TRPM6: variants seen among roughly 807,000 people sequenced by gnomAD.
The protein encoded by TRPM6 is transient receptor potential cation channel subfamily M member 6, also known as channel kinase 2.
TRPM6 carries 111 observed loss-of-function variants against 247.6 expected under a neutral mutation model. The observed-to-expected ratio is 0.45, with a 90% confidence interval of 0.38 to 0.52. The LOEUF is 0.52. Among genes scored for constraint, TRPM6 ranks in the 20% least tolerant of loss-of-function variants. TRPM6 has a pLI of 0.00. For synonymous variants in TRPM6, 892 were observed against 853.8 expected, an observed-to-expected ratio of 1.04 and a Z score of -0.78; for missense variants, 2,126 against 2,421.5, an observed-to-expected ratio of 0.88 and a Z score of 2.56.
intron 1 of TRPM6, chr9:74,887,144 G>T: frequency 1.3e-6 from 1 of 797,828 alleles, no homozygotes; most frequent in Non-Finnish European, 1.7e-6. Flanking sequence ...CAGCGGTGGA[G>T]AGGAGCCAGC....
chr9:74,849,996 T>C (rs1270885050), intron 3 of TRPM6, among the ~76,000 whole-genome samples: 2 of 152,364 alleles, frequency 1.3e-5, no homozygotes, highest in Non-Finnish European at 2.9e-5. Flanking sequence ...GTGCATCTGC[T>C]GTATTGAGCA....
Position 74,775,948 on chromosome 9 carries a change from A to C in TRPM6, c.3338T>G (p.Leu1113Arg). 2 of 1,614,184 alleles carry C rather than the reference A, an allele frequency of 1.2e-6. No individual in the cohort carries two copies. Among genetic ancestry groups the C allele is most frequent in the Non-Finnish European group, 1.7e-6 (2 of 1,180,034 alleles). ...ATGACAGCACAGGCGGCGGAGGAGA[A>C]GGCCCACGTGGCTCAGCAGGATGAG... The part of the protein sequence containing the change: ...PPLILLSHVG[L>R]LLRRLCCHRA... The change falls in exon 24 of 39, where the codon CTT (leucine) becomes CGT (arginine). Residue 1113 changes from leucine to arginine, a missense_variant. Transcript: ENST00000360774.
chr9:74,863,486 G>C (rs1306107712), intron 1 of TRPM6, among the ~76,000 whole-genome samples: 1 of 152,194 alleles, frequency 6.6e-6, no homozygotes, highest in Non-Finnish European at 1.5e-5. Flanking sequence ...TGTTCAAACT[G>C]TATTTCCACT....
chr9:74,826,701 C>T (rs1464905718), intron 7 of TRPM6: 1 of 151,762 alleles, frequency 6.6e-6, no homozygotes, highest in East Asian at 1.9e-4. Flanking sequence ...AAACTTGACA[C>T]TTTCCAAGGT....
intron 1 of TRPM6, among the ~76,000 whole-genome samples, chr9:74,859,598 C>A (rs534927157): frequency 2.0e-5 from 3 of 151,966 alleles, no homozygotes; most frequent in Non-Finnish European, 2.9e-5. Context: ...CATGGTGAAA[C>A]CCCGTCTCTA....
intron 27 of TRPM6, among the ~76,000 whole-genome samples, chr9:74,759,985 C>T (rs890444088): frequency 6.6e-6 from 1 of 152,086 alleles, no homozygotes; most frequent in Non-Finnish European, 1.5e-5. Context: ...ACCGTCATGC[C>T]CCGCATAACA....
intron 28 of TRPM6, 32 bp downstream of exon 28, chr9:74,755,321 T>A (rs1182030637): frequency 6.2e-7 from 1 of 1,613,102 alleles, no homozygotes. Flanking sequence ...CCACCAGGGT[T>A]TTTGGGATCC....
chr9:74,739,507 T>C (rs1196179617), intron 34 of TRPM6, 58 bp from the exon 35 acceptor site: 4 of 1,567,984 alleles, frequency 2.6e-6, no homozygotes, highest in African/African-American at 1.4e-5. Flanking sequence ...GCTATGATCA[T>C]GAAATTACTA....
chr9:74,785,674 C>T (rs1205751448), intron 21 of TRPM6, among the ~76,000 whole-genome samples, 200 bp downstream of exon 21: 1 of 152,284 alleles, frequency 6.6e-6, no homozygotes, highest in Non-Finnish European at 1.5e-5. Context: ...AGGTGCCCAC[C>T]ACCATGCCCG....
chr9:74,771,878 C>T lies in TRPM6; in HGVS notation c.3404-43G>A, dbSNP rs1439141410. 6 of 1,597,084 alleles carry T rather than the reference C, an allele frequency of 3.8e-6. No individual in the cohort carries two copies. The East Asian group carries it at 8.9e-5, about 24-fold the overall frequency. ...AAACACAGAAAGAATCATTATTCAC[C>T]TCAGGGCATGAGTGGCTTTTCTTCC... On this transcript the variant is annotated intron_variant, in intron 24 of 38. Coordinates refer to ENST00000360774, the MANE Select transcript of TRPM6 (RefSeq NM_017662.5).
intron 13 of TRPM6, among the ~76,000 whole-genome samples, chr9:74,809,294 T>A (rs1457875415): frequency 6.6e-6 from 1 of 152,218 alleles, no homozygotes; most frequent in Admixed American, 6.5e-5. Context: ...TTTGACTACT[T>A]AAATTGCACC....
At position 74,834,077 on chromosome 9, in the gene TRPM6, T is replaced by A. The variant is rs199753597; in HGVS notation, c.590A>T (p.His197Leu). 6.2e-7 allele frequency: 1 copy of A among 1,614,086 alleles called. No homozygotes were observed. The highest frequency in any genetic ancestry group is 1.3e-5 in the African/African-American group (1 of 75,034). ...AACTGTCCAGATTTTTCTCAAGGAATGAGAGGAATGGGATTTCAAGGCATC... is the reference window on the plus strand; with the variant it reads ...AACTGTCCAGATTTTTCTCAAGGAAAGAGAGGAATGGGATTTCAAGGCATC... ...VGDALKSHSS[H>L]SLRKIWTVGI... The change falls in exon 6 of 39, where the codon CAT (histidine) becomes CTT (leucine). Residue 197 changes from histidine to leucine, a missense_variant. Around this residue, in one of 3 missense-constraint regions of TRPM6, gnomAD observed 1,082 missense variants for 1,307.9 expected, o/e 0.83. Coordinates refer to ENST00000360774, the MANE Select transcript of TRPM6 (RefSeq NM_017662.5).
intron 3 of TRPM6, among the ~76,000 whole-genome samples, chr9:74,853,009 CGT>C (rs1386304743): frequency 2.0e-5 from 3 of 151,510 alleles, no homozygotes; most frequent in Non-Finnish European, 4.4e-5. Flanking sequence ...AAGTGAGGAG[CGT>C]CTCTGCCCGG....
intron 12 of TRPM6, 32 bp downstream of exon 12, chr9:74,812,267 G>C (rs765163761): frequency 6.2e-7 from 1 of 1,612,520 alleles, no homozygotes; most frequent in South Asian, 1.1e-5. Context: ...TGAATCTGGA[G>C]GGAAATGATT....
chr9:74,886,923 C>G (rs1405752970), intron 1 of TRPM6, among the ~76,000 whole-genome samples: 1 of 152,194 alleles, frequency 6.6e-6, no homozygotes, highest in South Asian at 2.1e-4. Flanking sequence ...AATGAGCTAA[C>G]GTTTGCTAAG....
At position 74,834,008 on chromosome 9, in the gene TRPM6, A is replaced by G. The variant is rs757805593; in HGVS notation, c.659T>C (p.Ile220Thr). 24 of 1,613,742 alleles carry G rather than the reference A, an allele frequency of 1.5e-5. No individual in the cohort carries two copies. The highest frequency in any genetic ancestry group is 6.7e-5 in the East Asian group (3 of 44,880). ...GGATTGTCTACTTACATCTTTTCCAATAAGGTCTCTCTGGTTCTCAATGAC... is the reference window on the plus strand; with the variant it reads ...GGATTGTCTACTTACATCTTTTCCAGTAAGGTCTCTCTGGTTCTCAATGAC... ...WGVIENQRDL[I>T]GKDVVCLYQT... Residue 220 changes from isoleucine to threonine, a missense_variant, in exon 6 of 39, where the codon ATT becomes ACT. Physicochemically the swap from Ile to Thr is moderately conservative, Grantham distance 89. Around this residue, in one of 3 missense-constraint regions of TRPM6, gnomAD observed 1,082 missense variants for 1,307.9 expected, o/e 0.83. Coordinates refer to ENST00000360774, the MANE Select transcript of TRPM6 (RefSeq NM_017662.5).
intron 14 of TRPM6, among the ~76,000 whole-genome samples, chr9:74,807,697 AAAAAG>A (rs1017782626): frequency 2.0e-5 from 3 of 152,186 alleles, no homozygotes; most frequent in African/African-American, 7.2e-5. Context: ...TTCGGAAGAA[AAAAAG>A]AAAAGAAAAA....
At chr9:74,783,187 T>TAAA (rs59909667) in intron 21 of TRPM6, among the ~76,000 whole-genome samples, 1 of 147,028 alleles carries the variant, frequency 6.8e-6, no homozygotes, top group African/African-American at 2.5e-5. Flanking sequence ...GTTAGGAAAA[T>TAAA]AAAAAAAAAA....
In TRPM6 at chr9:74,771,724, C is replaced by T. The variant is rs772091701; in HGVS notation, c.3515G>A (p.Arg1172Gln). 5.0e-5 allele frequency: 81 copies of T among 1,613,886 alleles called. No individual in the cohort carries two copies. The highest frequency in any genetic ancestry group is 1.6e-4 in the Middle Eastern group (1 of 6,062). The stretch of plus-strand genomic sequence containing the variant: ...TTACCTTTCTGATGTCACTCGGATT[C>T]GTTCCTCACAACTACAATTCACATC... ...MEDVNCSCEE[R>Q]IRVTSERVTE... The change falls in exon 25 of 39, where the codon CGA (arginine) becomes CAA (glutamine). Residue 1172 changes from arginine (R) to glutamine (Q), a missense_variant. By Grantham distance (43) the Arg-to-Gln change is conservative (BLOSUM62 1). Coordinates refer to ENST00000360774, the MANE Select transcript of TRPM6 (RefSeq NM_017662.5).
Sources: gnomAD v4.1 joint callset for allele counts (sites outside exome capture counted in the v4.1 genomes callset) on GRCh38, gnomAD v4.1.1 for gene constraint, gnomAD v4.1.1 regional missense constraint, MANE v1.5 for transcripts, NCBI Gene and HGNC (gene_info 2026-07-23, HGNC 2026-07-21) for gene names.